Variants in RGS6 observed in about 807,000 individuals in gnomAD.
RGS6 encodes the protein regulator of G-protein signaling 6.
A neutral mutation model predicts 78.5 loss-of-function variants in RGS6; 30 were observed. The ratio of observed to expected loss-of-function variants is 0.38; its 90% CI spans 0.29 to 0.52. RGS6 has a LOEUF of 0.52. RGS6 is among the 20% of genes least tolerant of loss of function. RGS6 has a pLI of 0.85. For synonymous variants in RGS6, 206 were observed against 206.0 expected (o/e 1.00, Z 0.00); for missense variants, 495 against 609.7 (o/e 0.81, Z 1.98).
chr14:72,049,534 C>T (rs1026899506), intron 2 of RGS6, among the ~76,000 whole-genome samples: 1 of 152,186 alleles, frequency 6.6e-6, no homozygotes, highest in Non-Finnish European at 1.5e-5. Flanking sequence ...GAGATCCCAT[C>T]AGTAGACAGA....
intron 2 of RGS6, among the ~76,000 whole-genome samples, chr14:72,084,780 G>A (rs574880113): frequency 1.3e-5 from 2 of 151,708 alleles, no homozygotes; most frequent in Admixed American, 6.6e-5. Context: ...TATAAAAAAC[G>A]AAGACACTAA....
intron 7 of RGS6, among the ~76,000 whole-genome samples, chr14:72,466,024 T>G (rs1238770598): frequency 6.6e-6 from 1 of 152,072 alleles, no homozygotes; most frequent in African/African-American, 2.4e-5. Flanking sequence ...AAATAACTCT[T>G]AAAACTCAAC....
intron 2 of RGS6, among the ~76,000 whole-genome samples, chr14:72,326,833 G>A (rs992964745): frequency 3.3e-5 from 5 of 152,106 alleles, no homozygotes; most frequent in African/African-American, 4.8e-5. Context: ...TCAGCCTGCC[G>A]AGTCGCTGGG....
chr14:71,990,456 T>C, intron 2 of RGS6: 1 of 374,098 alleles, frequency 2.7e-6, no homozygotes, highest in South Asian at 2.0e-5. Context: ...GTTTGTGTCC[T>C]TTGGGACATG....
intron 2 of RGS6, among the ~76,000 whole-genome samples, chr14:71,972,877 T>C (rs945481257): frequency 4.6e-5 from 7 of 152,254 alleles, no homozygotes; most frequent in Admixed American, 2.6e-4. Context: ...TGAGGAGTCT[T>C]TTCCCTAGGC....
intron 2 of RGS6, among the ~76,000 whole-genome samples, chr14:72,216,532 A>C (rs1269547875): frequency 6.6e-6 from 1 of 152,218 alleles, no homozygotes; most frequent in African/African-American, 2.4e-5. Flanking sequence ...TTAAATGTGA[A>C]ATGTAATAAG....
intron 2 of RGS6, among the ~76,000 whole-genome samples, chr14:71,997,743 C>T (rs1000615126): frequency 2.6e-5 from 4 of 152,174 alleles, no homozygotes; most frequent in African/African-American, 9.7e-5. Flanking sequence ...TAAAGACTTA[C>T]AGGTAGCAAT....
At chr14:72,193,052 G>T (rs1194834526) in intron 2 of RGS6, among the ~76,000 whole-genome samples, 2 of 151,352 alleles carry the variant, frequency 1.3e-5, no homozygotes, top group African/African-American at 4.9e-5. Context: ...GAGTGCAGTG[G>T]CACAATCTCA....
chr14:72,592,528 A>G, the RGS6 span, among the ~76,000 whole-genome samples: 2 of 152,262 alleles, frequency 1.3e-5, no homozygotes, highest in East Asian at 3.8e-4. Context: ...TTTCAAGGAA[A>G]GAGCTAAAAA....
At chr14:72,342,464 G>A (rs912186242) in intron 2 of RGS6, among the ~76,000 whole-genome samples, 1 of 151,872 alleles carries the variant, frequency 6.6e-6, no homozygotes, top group African/African-American at 2.4e-5. Context: ...TACTTGGAAA[G>A]CTGAGGCAGG....
At chr14:72,571,211 C>A (rs140200540), downstream of RGS6, among the ~76,000 whole-genome samples, 289 of 152,312 alleles carry the variant, frequency 1.9e-3, 2 homozygotes, top group African/African-American at 6.1e-3. Context: ...CAGAAACATC[C>A]AGTGACTTAC....
chr14:72,270,622 A>G (rs2059794824), intron 2 of RGS6, among the ~76,000 whole-genome samples: 1 of 152,220 alleles, frequency 6.6e-6, no homozygotes. Flanking sequence ...CTGCTGTGAC[A>G]AGCTGTTCCA....
intron 3 of RGS6, among the ~76,000 whole-genome samples, chr14:72,394,211 G>A (rs535726603): frequency 4.6e-5 from 7 of 152,120 alleles, no homozygotes; most frequent in South Asian, 2.1e-4. Context: ...CTGGGTGTCC[G>A]GGGGAGACAT....
intron 3 of RGS6, among the ~76,000 whole-genome samples, chr14:72,453,615 CAA>C (rs60280790): frequency 0.096 from 4,903 of 51,108 alleles, 28 homozygotes; most frequent in Non-Finnish European, 0.12. Flanking sequence ...GACTCCGTCT[CAA>C]AAAAAAAAAA....
intron 2 of RGS6, among the ~76,000 whole-genome samples, chr14:72,307,256 A>T (rs1273557566): frequency 3.7e-4 from 1 of 2,736 alleles, no homozygotes; most frequent in Non-Finnish European, 5.5e-4. Flanking sequence ...CAGTATAAAC[A>T]TAATTTTATA....
At chr14:72,284,762 C>T (rs767406818) in intron 2 of RGS6, among the ~76,000 whole-genome samples, 4 of 152,132 alleles carry the variant, frequency 2.6e-5, no homozygotes, top group Admixed American at 1.3e-4. Context: ...CAGCTTGTAT[C>T]GTATGCCTGG....
At chr14:72,364,191 C>A (rs2082053933) in intron 3 of RGS6, among the ~76,000 whole-genome samples, 1 of 152,064 alleles carries the variant, frequency 6.6e-6, no homozygotes, top group South Asian at 2.1e-4. Context: ...AGATCCTGCA[C>A]TTGGCCAGCA....
intron 2 of RGS6, among the ~76,000 whole-genome samples, chr14:72,084,255 C>T (rs1008445030): frequency 1.3e-5 from 2 of 152,140 alleles, no homozygotes; most frequent in African/African-American, 2.4e-5. Flanking sequence ...ATATGGTTTG[C>T]GTTTCTATGA....
intron 2 of RGS6, among the ~76,000 whole-genome samples, chr14:72,080,808 T>TA (rs1379493130): frequency 7.2e-5 from 11 of 152,102 alleles, no homozygotes; most frequent in Admixed American, 7.2e-4. Flanking sequence ...GGTACCTTTG[T>TA]AAAAAAATCT....
Sources: gnomAD v4.1 joint callset for allele counts (sites outside exome capture counted in the v4.1 genomes callset) on GRCh38, gnomAD v4.1.1 for gene constraint, MANE v1.5 for transcripts, NCBI Gene and HGNC (gene_info 2026-07-23, HGNC 2026-07-21) for gene names.